Variants in SMAD4 observed in about 807,000 individuals in gnomAD.
SMAD4 encodes MAD homolog 4.
A neutral mutation model predicts 63.2 loss-of-function variants in SMAD4; 7 were observed. The ratio of observed to expected loss-of-function variants is 0.11; its 90% CI spans 0.06 to 0.21. The LOEUF is 0.21. SMAD4 is among the 10% of genes least tolerant of loss of function. The probability of loss-of-function intolerance (pLI) is 1.00; values close to 1 mark genes in which losing one functional copy is unlikely to be tolerated. For missense variants in SMAD4, 312 were observed against 693.8 expected (o/e 0.45, Z 6.18); for synonymous variants, 215 against 235.4 (o/e 0.91, Z 0.79).
At chr18:51,042,219 A>G (rs904449239) in intron 1 of SMAD4, among the ~76,000 whole-genome samples, 4 of 151,380 alleles carry the variant, frequency 2.6e-5, no homozygotes, top group African/African-American at 9.7e-5. Flanking sequence ...CCAGAACCTA[A>G]CTCTATAATA....
chr18:51,076,795 C>CT lies in SMAD4; in HGVS notation c.1447+25dup. 1 of 1,577,016 alleles carries CT rather than the reference C, an allele frequency of 6.3e-7. No homozygotes were observed. The highest frequency in any genetic ancestry group is 8.7e-7 in the Non-Finnish European group (1 of 1,153,044). ...GCTATCAGTAAGTATGCTTTTCATT[C>CT]TTTTTTAAAGGTATAATAGTTGATA... On this transcript the variant is annotated intron_variant, in intron 11 of 11. Coordinates refer to ENST00000342988, the MANE Select transcript of SMAD4 (RefSeq NM_005359.6).
rs1381590963 is a variant in SMAD4 at position 51,030,382 on chromosome 18, A to G, written c.-369A>G. On this transcript the variant is annotated 5_prime_UTR_variant, in exon 1 of 12. Coordinates refer to ENST00000342988, the MANE Select transcript of SMAD4 (RefSeq NM_005359.6). ...GCTCCGCGGCCGCCCAGGGGGTGGG[A>G]GCGGGTGAGGGGAGCCAGGCGCCCA... 1.3e-5 allele frequency: 2 copies of G among 150,292 alleles called. No homozygotes were observed. The highest frequency in any genetic ancestry group is 4.9e-5 in the African/African-American group (2 of 40,604). The allele number at this position is 150,292 out of a possible 1,614,324, so 9.3% of individuals were successfully genotyped here.
intron 1 of SMAD4, among the ~76,000 whole-genome samples, chr18:51,032,134 G>A (rs1468567224): frequency 6.6e-6 from 1 of 152,226 alleles, no homozygotes; most frequent in Non-Finnish European, 1.5e-5. Context: ...GGTGAATTAT[G>A]TAGGTTTAAG....
chr18:51,037,362 T>G (rs1384972438), intron 1 of SMAD4, among the ~76,000 whole-genome samples: 1 of 152,204 alleles, frequency 6.6e-6, no homozygotes, highest in Non-Finnish European at 1.5e-5. Flanking sequence ...ATAATGAAAC[T>G]GAGACGTTAT....
chr18:51,081,144 G>A lies in SMAD4; in HGVS notation c.*2677G>A, dbSNP rs1297808454. The A allele has an allele frequency of 4.5e-6, 1 of 219,866 alleles. No individual in the cohort carries two copies. Among genetic ancestry groups the A allele is most frequent in the African/African-American group, 2.2e-5 (1 of 44,562 alleles). 13.6% of individuals were successfully genotyped at this position (219,866 alleles called of 1,614,324 possible). A position where few individuals can be genotyped will look rare whatever the true frequency, so the allele number is the denominator to read the frequency against. On this transcript the variant is annotated 3_prime_UTR_variant, in exon 12 of 12. Coordinates refer to ENST00000342988, the MANE Select transcript of SMAD4 (RefSeq NM_005359.6). ...GTCATCTTTGATGAATAAGACTAAA[G>A]ATTCTCACAGGTTTAAAATTTTATG...
rs2144429398 is a variant in SMAD4, at chr18:51,058,445, C to T, written c.893C>T (p.Pro298Leu). ...CACCACCCGCCTATGCCGCCCCATCCCGGACATTACTGTAAGCTCTTGTTT... is the reference window on the plus strand; with the variant it reads ...CACCACCCGCCTATGCCGCCCCATCTCGGACATTACTGTAAGCTCTTGTTT... ...LQHHPPMPPH[P>L]GHYWPVHNEL... Residue 298 changes from proline to leucine, a missense_variant, in exon 7 of 12, where the codon CCC becomes CTC. Physicochemically the swap from Pro to Leu is moderately conservative, Grantham distance 98. Transcript: ENST00000342988. 6.2e-7 allele frequency: 1 copy of T among 1,612,308 alleles called. No homozygotes were observed. The highest frequency in any genetic ancestry group is 1.1e-5 in the South Asian group (1 of 91,046).
intron 4 of SMAD4, among the ~76,000 whole-genome samples, chr18:51,050,434 C>T (rs946300859): frequency 6.6e-6 from 1 of 151,242 alleles, no homozygotes. Context: ...CCGAGGAGGG[C>T]GGATCACGAG....
At chr18:51,035,510 C>T (rs1388201328) in intron 1 of SMAD4, among the ~76,000 whole-genome samples, 1 of 151,904 alleles carries the variant, frequency 6.6e-6, no homozygotes, top group South Asian at 2.1e-4. Context: ...GACCTCATCT[C>T]TAAAATAAAT....
chr18:51,068,748 C>CT (rs1910237639), intron 10 of SMAD4, among the ~76,000 whole-genome samples: 1 of 151,662 alleles, frequency 6.6e-6, no homozygotes, highest in African/African-American at 2.4e-5. Context: ...GTGATACCCC[C>CT]ATCTCTACAA....
At chr18:51,072,198 T>G (rs1045936283) in intron 10 of SMAD4, among the ~76,000 whole-genome samples, 3 of 152,220 alleles carry the variant, frequency 2.0e-5, no homozygotes, top group African/African-American at 7.2e-5. Context: ...CTGCACCACT[T>G]TACATTCTCA....
At chr18:51,035,697 T>C (rs973855088) in intron 1 of SMAD4, among the ~76,000 whole-genome samples, 2 of 152,172 alleles carry the variant, frequency 1.3e-5, no homozygotes, top group African/African-American at 4.8e-5. Flanking sequence ...AGACATTTGC[T>C]CAGCTAGGCC....
intron 2 of SMAD4, among the ~76,000 whole-genome samples, chr18:51,047,895 C>T (rs932336231): frequency 2.4e-4 from 37 of 152,198 alleles, no homozygotes; most frequent in Admixed American, 1.6e-3. Flanking sequence ...AGGCGTGAGC[C>T]ACTGTGCCCA....
chr18:51,052,860 T>C (rs869312652), intron 4 of SMAD4: 1 of 157,794 alleles, frequency 6.3e-6, no homozygotes, highest in African/African-American at 2.4e-5. Flanking sequence ...AGTATATGAT[T>C]TTTTAAACAT....
At position 51,047,266 on chromosome 18, in the gene SMAD4, A is replaced by C; in HGVS notation, c.220A>C (p.Ile74Leu). ...NGAHPSKCVT[I>L]QRTLDGRLQV... ...AGCTCATCCTAGTAAATGTGTTACC[A>C]TACAGAGAACATTGGATGGGAGGCT... The change falls in exon 2 of 12, where the codon ATA becomes CTA. Residue 74 changes from isoleucine (I) to leucine (L), a missense_variant. This residue lies in a region of SMAD4 where 37 missense variants were observed against 87.3 expected (regional missense o/e 0.42). Transcript: ENST00000342988. The C allele has an allele frequency of 6.2e-7, 1 of 1,613,956 alleles. No individual in the cohort carries two copies. Among genetic ancestry groups the C allele is most frequent in the Non-Finnish European group, 8.5e-7 (1 of 1,179,846 alleles).
At chr18:51,039,544 C>T (rs1909311749) in intron 1 of SMAD4, among the ~76,000 whole-genome samples, 3 of 129,256 alleles carry the variant, frequency 2.3e-5, no homozygotes, top group Non-Finnish European at 4.7e-5. Context: ...AGCTATGTCA[C>T]TTGCCTGCCT....
intron 4 of SMAD4, chr18:51,052,490 A>G (rs781730765): frequency 1.7e-5 from 3 of 181,780 alleles, no homozygotes; most frequent in Admixed American, 5.7e-5. Context: ...TACCTGGAAC[A>G]GAAGTGCTCA....
intron 10 of SMAD4, among the ~76,000 whole-genome samples, chr18:51,067,944 TTATAA>T: frequency 6.6e-6 from 1 of 152,330 alleles, no homozygotes; most frequent in Non-Finnish European, 1.5e-5. Flanking sequence ...GAATTTTACT[TTATAA>T]TATAACCTGT....
chr18:51,083,554 ATT>A lies in SMAD4; in HGVS notation c.*5089_*5090del, dbSNP rs1910662763. On this transcript the variant is annotated 3_prime_UTR_variant, in exon 12 of 12. Coordinates refer to ENST00000342988, the MANE Select transcript of SMAD4 (RefSeq NM_005359.6). ...GATGTGGATACTTTTCACACCGTTT[ATT>A]TAAATGCTTTCTCAATAGGTCCAGA... 2 of 226,184 alleles carry A rather than the reference ATT, an allele frequency of 8.8e-6. No individual in the cohort carries two copies. Among genetic ancestry groups the A allele is most frequent in the African/African-American group, 4.5e-5 (2 of 44,596 alleles). 14.0% of individuals were successfully genotyped at this position (226,184 alleles called of 1,614,324 possible).
At position 51,080,520 on chromosome 18, in the gene SMAD4, T is replaced by G. The variant is rs1052042733; in HGVS notation, c.*2053T>G. The G allele has an allele frequency of 9.3e-6, 2 of 215,324 alleles. No homozygotes were observed. The highest frequency in any genetic ancestry group is 1.9e-5 in the Non-Finnish European group (2 of 106,950). The allele number at this position is 215,324 out of a possible 1,614,324, so 13.3% of individuals were successfully genotyped here. ...AATCCAGATGATTTGATTAAAACCT[T>G]AATCATACATTGACATAATTCATTG... On this transcript the variant is annotated 3_prime_UTR_variant, in exon 12 of 12. Transcript: ENST00000342988.
Sources: gnomAD v4.1 joint callset for allele counts (sites outside exome capture counted in the v4.1 genomes callset) on GRCh38, gnomAD v4.1.1 for gene constraint, gnomAD v4.1.1 regional missense constraint, MANE v1.5 for transcripts, NCBI Gene and HGNC (gene_info 2026-07-23, HGNC 2026-07-21) for gene names.